The following BMPER variants were observed in gnomAD, a reference collection of about 807,000 sequenced individuals.
The protein encoded by BMPER is BMP-binding endothelial regulator protein.
A neutral mutation model predicts 87.3 loss-of-function variants in BMPER; 45 were observed. The ratio of observed to expected loss-of-function variants is 0.52; its 90% CI spans 0.41 to 0.66. The LOEUF is 0.66. BMPER is among the 30% of genes least tolerant of loss of function. The pLI is 0.00. For missense variants in BMPER, 784 were observed against 867.5 expected (o/e 0.90, Z 1.21); for synonymous variants, 326 against 316.2 (o/e 1.03, Z -0.33).
intron 2 of BMPER, among the ~76,000 whole-genome samples, chr7:33,913,815 C>T (rs972406479): frequency 1.3e-5 from 2 of 152,124 alleles, no homozygotes; most frequent in African/African-American, 4.8e-5. Flanking sequence ...TCCCAGAGCT[C>T]ACTCTTGAAA....
At chr7:34,092,834 C>T (rs1313362476) in intron 13 of BMPER, among the ~76,000 whole-genome samples, 2 of 152,200 alleles carry the variant, frequency 1.3e-5, no homozygotes, top group Non-Finnish European at 2.9e-5. Context: ...TCATTTTATC[C>T]AAGTCTAAAA....
Position 34,022,548 on chromosome 7 carries a change from T to C in BMPER, c.577-23758T>C, listed in dbSNP as rs988067608. Among the ~76,000 whole-genome samples, 18 of 152,072 alleles carry C rather than the reference T, an allele frequency of 1.2e-4. No homozygotes were observed. The East Asian group carries it at 1.9e-3, about 16-fold the overall frequency. ...ACTCAGTATTTAATTCAAGTCTTTT[T>C]TTGAGGCCCTACAGGACACATAATG... is the stretch of plus-strand genomic sequence containing the variant. On this transcript the variant is annotated intron_variant, in intron 6 of 14. Transcript: ENST00000649409.
intron 13 of BMPER, among the ~76,000 whole-genome samples, chr7:34,129,961 A>G (rs1295577747): frequency 6.6e-6 from 1 of 151,972 alleles, no homozygotes; most frequent in Non-Finnish European, 1.5e-5. Context: ...GAATATAAGG[A>G]CTTCTACATT....
intron 8 of BMPER, among the ~76,000 whole-genome samples, chr7:34,053,791 A>G (rs1395464416): frequency 2.0e-5 from 3 of 152,140 alleles, no homozygotes; most frequent in Non-Finnish European, 4.4e-5. Context: ...GGAGGCAGGA[A>G]AGGCAGGCAC....
At chr7:34,040,414 G>A (rs985396507) in intron 6 of BMPER, among the ~76,000 whole-genome samples, 3 of 152,184 alleles carry the variant, frequency 2.0e-5, no homozygotes, top group African/African-American at 2.4e-5. Context: ...GGTTGTGTGG[G>A]TTTGGAGTCC....
At chr7:33,920,684 C>A (rs1016316775) in intron 2 of BMPER, among the ~76,000 whole-genome samples, 3 of 151,976 alleles carry the variant, frequency 2.0e-5, no homozygotes, top group African/African-American at 7.3e-5. Context: ...TTGGCCCCCC[C>A]AAAGTGCTGG....
At chr7:34,148,398 A>G (rs1791084026) in intron 14 of BMPER, among the ~76,000 whole-genome samples, 2 of 152,140 alleles carry the variant, frequency 1.3e-5, no homozygotes, top group South Asian at 4.1e-4. Context: ...ATATTTTGTT[A>G]AGAATCTATT....
intron 3 of BMPER, among the ~76,000 whole-genome samples, chr7:33,965,414 A>G (rs1271606299): frequency 6.6e-6 from 1 of 151,868 alleles, no homozygotes; most frequent in Non-Finnish European, 1.5e-5. Context: ...TAACCACAGC[A>G]TTATCTAAAA....
intron 6 of BMPER, among the ~76,000 whole-genome samples, chr7:34,009,501 C>G (rs1245325724): frequency 2.0e-5 from 3 of 151,854 alleles, no homozygotes; most frequent in African/African-American, 7.3e-5. Flanking sequence ...GCCTTATTGT[C>G]CACCTCAAAA....
intron 6 of BMPER, among the ~76,000 whole-genome samples, chr7:34,036,497 T>G (rs1009761109): frequency 2.0e-5 from 3 of 152,104 alleles, no homozygotes; most frequent in Non-Finnish European, 2.9e-5. Context: ...GCCCCGCCTC[T>G]CCTCCAGTTT....
chr7:33,908,262 A>G (rs571979200), intron 2 of BMPER, among the ~76,000 whole-genome samples: 43 of 152,270 alleles, frequency 2.8e-4, no homozygotes, highest in African/African-American at 1.0e-3. Context: ...GAATTATTTT[A>G]TCTTAATCTA....
chr7:34,123,196 C>T (rs578167408), intron 13 of BMPER, among the ~76,000 whole-genome samples: 1 of 152,110 alleles, frequency 6.6e-6, no homozygotes, highest in Non-Finnish European at 1.5e-5. Flanking sequence ...GTTGGAAAAG[C>T]TATTTAGATG....
intron 2 of BMPER, among the ~76,000 whole-genome samples, chr7:33,909,540 G>T (rs886857278): frequency 6.6e-6 from 1 of 152,068 alleles, no homozygotes; most frequent in African/African-American, 2.4e-5. Context: ...TTTTATGTAT[G>T]TACATTAAGA....
chr7:34,033,911 T>G (rs116053316), intron 6 of BMPER, among the ~76,000 whole-genome samples: 2,019 of 152,344 alleles, frequency 0.013, 57 homozygotes, highest in African/African-American at 0.046. Context: ...ACTGCTGTCG[T>G]TTTCTGTATC....
chr7:33,927,906 T>G lies in BMPER; in HGVS notation c.220-9383T>G, dbSNP rs542747712. ...GTTTCATCACCCCTTTCCTTTTTGT[T>G]TTCCTTTTGGGCAGAGGAAGAAGCA... On this transcript the variant is annotated intron_variant, in intron 2 of 14. Transcript: ENST00000649409. Among the ~76,000 whole-genome samples the G allele has an allele frequency of 2.0e-5, 3 of 152,326 alleles. No individual in the cohort carries two copies. The East Asian group carries it at 5.8e-4, about 29-fold the overall frequency.
chr7:34,087,348 A>G (rs530780439), intron 13 of BMPER, among the ~76,000 whole-genome samples: 3 of 152,338 alleles, frequency 2.0e-5, no homozygotes, highest in African/African-American at 4.8e-5. Flanking sequence ...TTAAACAGCT[A>G]GATAGACAAA....
intron 8 of BMPER, 110 bp from the exon 9 acceptor site, chr7:34,055,053 C>A: frequency 2.1e-6 from 3 of 1,457,610 alleles, no homozygotes; most frequent in Non-Finnish European, 1.9e-6. Flanking sequence ...AAATAGGGTA[C>A]CTTACAGACT....
At chr7:34,084,772 AC>A (rs1296864821) in intron 12 of BMPER, among the ~76,000 whole-genome samples, 2 of 152,180 alleles carry the variant, frequency 1.3e-5, no homozygotes, top group African/African-American at 4.8e-5. Flanking sequence ...TGGCTGTTCT[AC>A]CTGTGACATA....
intron 13 of BMPER, among the ~76,000 whole-genome samples, chr7:34,142,488 A>G (rs2127994504): frequency 6.6e-6 from 1 of 152,298 alleles, no homozygotes; most frequent in African/African-American, 2.4e-5. Context: ...AAAATTTGTT[A>G]GTTTGCATTT....
Sources: gnomAD v4.1 joint callset for allele counts (sites outside exome capture counted in the v4.1 genomes callset) on GRCh38, gnomAD v4.1.1 for gene constraint, MANE v1.5 for transcripts, NCBI Gene and HGNC (gene_info 2026-07-23, HGNC 2026-07-21) for gene names.